The following STAT4 variants were observed in gnomAD, a reference collection of about 807,000 sequenced individuals.
The protein encoded by STAT4 is signal transducer and activator of transcription 4.
In STAT4, 42 loss-of-function variants were observed where a neutral mutation model predicts 110.5. The ratio of observed to expected loss-of-function variants is 0.38; its 90% CI spans 0.30 to 0.49. The LOEUF (loss-of-function observed/expected upper bound fraction) is 0.49, where lower values mean the gene tolerates loss of function less well. Ranked by LOEUF, STAT4 falls within the 20% of genes least tolerant of loss-of-function variation. The pLI is 0.95. For missense variants in STAT4, 632 were observed against 887.9 expected, an observed-to-expected ratio of 0.71 and a Z score of 3.66; for synonymous variants, 284 against 302.2, an observed-to-expected ratio of 0.94 and a Z score of 0.63.
At position 191,031,230 on chromosome 2, in the gene STAT4, T is replaced by C; in HGVS notation, c.2112-150A>G. On this transcript the variant is annotated intron_variant, in intron 22 of 23. Coordinates refer to ENST00000392320, the MANE Select transcript of STAT4 (RefSeq NM_003151.4). The surrounding 1 kb of genome is among the most constrained non-coding windows in gnomAD (Gnocchi z 4.8). ...ATCATTTCATATCAGAACACTCAACTTACTGTGGCATATATGGCATATAAA... is the reference window on the plus strand; with the variant it reads ...ATCATTTCATATCAGAACACTCAACCTACTGTGGCATATATGGCATATAAA... The C allele has an allele frequency of 1.1e-6, 1 of 930,046 alleles. No individual in the cohort carries two copies. Among genetic ancestry groups the C allele is most frequent in the Non-Finnish European group, 1.6e-6 (1 of 610,556 alleles). 57.6% of individuals were successfully genotyped at this position (930,046 alleles called of 1,614,324 possible).
At chr2:191,075,770 G>A (rs911278187) in intron 4 of STAT4, among the ~76,000 whole-genome samples, 1 of 151,816 alleles carries the variant, frequency 6.6e-6, no homozygotes, top group Non-Finnish European at 1.5e-5. Flanking sequence ...TGGAAGGATG[G>A]TGGCACCACT....
rs1229641556 is a variant in STAT4 at position 191,058,336 on chromosome 2, C to T, written c.1095-117G>A. 6 of 1,155,344 alleles carry T rather than the reference C, an allele frequency of 5.2e-6. No individual in the cohort carries two copies. Among genetic ancestry groups the T allele is most frequent in the Admixed American group, 5.1e-5 (2 of 39,424 alleles). The allele number at this position is 1,155,344 out of a possible 1,614,324, so 71.6% of individuals were successfully genotyped here. A position where few individuals can be genotyped will look rare whatever the true frequency, so the allele number is the denominator to read the frequency against. ...ATTTTGAGACAGAGTCTCGCTCTGT[C>T]GTCCAGGCTGGAGTGCAGTGGTGCA... On this transcript the variant is annotated intron_variant, in intron 11 of 23. Coordinates refer to ENST00000392320, the MANE Select transcript of STAT4 (RefSeq NM_003151.4). This position sits in a 1 kb window ranked among gnomAD's most constrained non-coding sequence, Gnocchi z 4.3.
intron 3 of STAT4, among the ~76,000 whole-genome samples, chr2:191,081,321 T>C (rs1217521436): frequency 5.9e-5 from 9 of 152,234 alleles, no homozygotes; most frequent in African/African-American, 1.9e-4. Context: ...TGTGTCTTTA[T>C]AGTAGAATGA....
chr2:191,079,238 C>T (rs1351633857), intron 3 of STAT4, among the ~76,000 whole-genome samples: 4 of 152,044 alleles, frequency 2.6e-5, no homozygotes, highest in African/African-American at 4.8e-5. Flanking sequence ...TGTCAAGTCA[C>T]GCACACACAC....
rs976720951 is a variant in STAT4 at position 191,051,145 on chromosome 2, G to A, written c.1251+3345C>T. 6.6e-6 allele frequency among the ~76,000 whole-genome samples: 1 copy of A among 152,182 alleles called. No homozygotes were observed. The highest frequency in any genetic ancestry group is 1.5e-5 in the Non-Finnish European group (1 of 68,030). ...CACAAATGGTGACCTGAGGTTTCAA[G>A]GAACTGGAGCTGGAAGAGGGAAGTG... On this transcript the variant is annotated intron_variant, in intron 14 of 23. Transcript: ENST00000392320. This position sits in a 1 kb window ranked among gnomAD's most constrained non-coding sequence, Gnocchi z 5.6.
chr2:191,146,905 G>T lies in STAT4; in HGVS notation c.129-148C>A. 1 of 702,474 alleles carries T rather than the reference G, an allele frequency of 1.4e-6. No homozygotes were observed. The highest frequency in any genetic ancestry group is 2.1e-6 in the Non-Finnish European group (1 of 485,676). The allele number at this position is 702,474 out of a possible 1,614,324, so 43.5% of individuals were successfully genotyped here. On this transcript the variant is annotated intron_variant, in intron 2 of 23. Transcript: ENST00000392320. This position sits in a 1 kb window ranked among gnomAD's most constrained non-coding sequence, Gnocchi z 4.5. ...AATTAAATTGTTAACATGAAGAGATGCTCAACATCACTAATCATTAGGGAA... is the reference window on the plus strand; with the variant it reads ...AATTAAATTGTTAACATGAAGAGATTCTCAACATCACTAATCATTAGGGAA...
Position 191,066,584 on chromosome 2 carries a change from C to T in STAT4, c.545-69G>A. ...GAAAGTCAAGTCAGCCTCAATCCACCATCCTAAAACAGCCCTGGCCCGGAG... is the reference window on the plus strand; with the variant it reads ...GAAAGTCAAGTCAGCCTCAATCCACTATCCTAAAACAGCCCTGGCCCGGAG... On this transcript the variant is annotated intron_variant, in intron 6 of 23. Transcript: ENST00000392320. This position sits in a 1 kb window ranked among gnomAD's most constrained non-coding sequence, Gnocchi z 4.3. 7.0e-7 allele frequency: 1 copy of T among 1,419,050 alleles called. No individual in the cohort carries two copies. Among genetic ancestry groups the T allele is most frequent in the Non-Finnish European group, 9.8e-7 (1 of 1,017,486 alleles). The allele number at this position is 1,419,050 out of a possible 1,614,324, so 87.9% of individuals were successfully genotyped here. A position where few individuals can be genotyped will look rare whatever the true frequency, so the allele number is the denominator to read the frequency against.
intron 4 of STAT4, among the ~76,000 whole-genome samples, chr2:191,073,531 C>T (rs1450864866): frequency 6.6e-6 from 1 of 150,984 alleles, no homozygotes; most frequent in Non-Finnish European, 1.5e-5. Flanking sequence ...TACTAAAATA[C>T]AAAAAAAAAT....
rs1359020296 is a variant in STAT4 at position 191,091,588 on chromosome 2, C to T, written c.274-15263G>A. Among the ~76,000 whole-genome samples the T allele has an allele frequency of 6.6e-6, 1 of 152,092 alleles. No individual in the cohort carries two copies. Among genetic ancestry groups the T allele is most frequent in the Non-Finnish European group, 1.5e-5 (1 of 68,018 alleles). On this transcript the variant is annotated intron_variant, in intron 3 of 23. Coordinates refer to ENST00000392320, the MANE Select transcript of STAT4 (RefSeq NM_003151.4). This position sits in a 1 kb window ranked among gnomAD's most constrained non-coding sequence, Gnocchi z 5.4. ...TGAAGGAAAGAGTCAATGAAGTGATCTTAAAGTTCATATGTGACAGAAAAT... is the reference window on the plus strand; with the variant it reads ...TGAAGGAAAGAGTCAATGAAGTGATTTTAAAGTTCATATGTGACAGAAAAT...
chr2:191,124,219 C>T (rs1417707647), intron 3 of STAT4, among the ~76,000 whole-genome samples: 5 of 152,184 alleles, frequency 3.3e-5, no homozygotes, highest in African/African-American at 1.2e-4. Context: ...CACCTTGGGA[C>T]GCGGAGGCTG....
At chr2:191,129,295 A>T (rs1698966430) in intron 3 of STAT4, among the ~76,000 whole-genome samples, 1 of 152,188 alleles carries the variant, frequency 6.6e-6, no homozygotes, top group Non-Finnish European at 1.5e-5. Flanking sequence ...ATGGACTTTT[A>T]AAAATGTCAA....
Position 191,091,474 on chromosome 2 carries a change from GTTA to G in STAT4, c.274-15152_274-15150del. Among the ~76,000 whole-genome samples the G allele has an allele frequency of 6.6e-6, 1 of 152,148 alleles. No individual in the cohort carries two copies. Among genetic ancestry groups the G allele is most frequent in the East Asian group, 1.9e-4 (1 of 5,202 alleles). On this transcript the variant is annotated intron_variant, in intron 3 of 23. Transcript: ENST00000392320. The surrounding 1 kb of genome is among the most constrained non-coding windows in gnomAD (Gnocchi z 5.4). ...CATAAATTCTAAATGTGAGAGACTT[GTTA>G]TTATAAAAATATTAATTGTCTCAAA...
Position 191,116,340 on chromosome 2 carries a change from T to G in STAT4, c.273+30273A>C, listed in dbSNP as rs965086256. 6.6e-6 allele frequency among the ~76,000 whole-genome samples: 1 copy of G among 152,226 alleles called. No individual in the cohort carries two copies. The highest frequency in any genetic ancestry group is 1.5e-5 in the Non-Finnish European group (1 of 68,044). ...AATTAATGCCCTTGTCAGCTGGTCT[T>G]GTGGCTGTGCAATTACTTTGCAAGC... On this transcript the variant is annotated intron_variant, in intron 3 of 23. Transcript: ENST00000392320. This position sits in a 1 kb window ranked among gnomAD's most constrained non-coding sequence, Gnocchi z 4.1.
chr2:191,118,124 G>A (rs997788016), intron 3 of STAT4, among the ~76,000 whole-genome samples: 3 of 152,228 alleles, frequency 2.0e-5, no homozygotes, highest in Non-Finnish European at 4.4e-5. Context: ...TGGTGGGAAT[G>A]TGAATTGGCA....
rs745747403 is a variant in STAT4 at position 191,039,620 on chromosome 2, T to TC, written c.1336-324dup. ...GTCTCAAGTGCAATATATTAGAGAG[T>TC]CTATTGAATTAGCAACAATCTTCTC... On this transcript the variant is annotated intron_variant, in intron 15 of 23. Transcript: ENST00000392320. This position sits in a 1 kb window ranked among gnomAD's most constrained non-coding sequence, Gnocchi z 4.7. 1.1e-4 allele frequency among the ~76,000 whole-genome samples: 17 copies of TC among 152,292 alleles called. No individual in the cohort carries two copies. The highest frequency in any genetic ancestry group is 3.4e-3 in the Middle Eastern group (1 of 294).
rs1433000975 is a variant in STAT4, at chr2:191,135,396, T to C, written c.273+11217A>G. 1.3e-5 allele frequency among the ~76,000 whole-genome samples: 2 copies of C among 152,168 alleles called. No individual in the cohort carries two copies. The highest frequency in any genetic ancestry group is 2.4e-5 in the African/African-American group (1 of 41,426). ...AACAGACTAATAATGAGTAAGGAGATTGAATTAGTAAGTCTTCTGACAAAG... is the reference window on the plus strand; with the variant it reads ...AACAGACTAATAATGAGTAAGGAGACTGAATTAGTAAGTCTTCTGACAAAG... On this transcript the variant is annotated intron_variant, in intron 3 of 23. Transcript: ENST00000392320. This position sits in a 1 kb window ranked among gnomAD's most constrained non-coding sequence, Gnocchi z 4.8.
In STAT4 at chr2:191,104,761, T is replaced by C. The variant is rs1698234072; in HGVS notation, c.274-28436A>G. Among the ~76,000 whole-genome samples, 1 of 152,200 alleles carries C rather than the reference T, an allele frequency of 6.6e-6. No homozygotes were observed. The highest frequency in any genetic ancestry group is 1.9e-4 in the East Asian group (1 of 5,204). On this transcript the variant is annotated intron_variant, in intron 3 of 23. Transcript: ENST00000392320. This position sits in a 1 kb window ranked among gnomAD's most constrained non-coding sequence, Gnocchi z 4.3. Reference sequence around the variant, plus strand: ...TTTGACTTTGCAAAGATTCTCTCTATTACTCTTTTATTTTGCTGCCAACTG... The same window carrying C: ...TTTGACTTTGCAAAGATTCTCTCTACTACTCTTTTATTTTGCTGCCAACTG...
rs1697698067 is a variant in STAT4, at chr2:191,088,365, G to C, written c.274-12040C>G. Among the ~76,000 whole-genome samples, 3 of 152,082 alleles carry C rather than the reference G, an allele frequency of 2.0e-5. 1 individual carries two copies. The highest frequency in any genetic ancestry group is 1.3e-4 in the Admixed American group (2 of 15,266). ...TTAGGTATAAATCTAACAATGTGTG[G>C]ATAAGATATGTAAGGAAAATGATAA... On this transcript the variant is annotated intron_variant, in intron 3 of 23. Transcript: ENST00000392320.
intron 3 of STAT4, among the ~76,000 whole-genome samples, chr2:191,137,517 A>G (rs563907751): frequency 2.6e-5 from 4 of 152,272 alleles, no homozygotes; most frequent in African/African-American, 9.6e-5. Flanking sequence ...ATAGTAAAAT[A>G]GAAAAAAAAT....
Sources: gnomAD v4.1 joint callset for allele counts (sites outside exome capture counted in the v4.1 genomes callset) on GRCh38, gnomAD v4.1.1 for gene constraint, Gnocchi (gnomAD v3.1) non-coding constraint, MANE v1.5 for transcripts, NCBI Gene and HGNC (gene_info 2026-07-23, HGNC 2026-07-21) for gene names.